EYS: variants seen among roughly 807,000 people sequenced by gnomAD.
EYS encodes EGF-like photoreceptor maintenance factor, also known as protein eyes shut homolog.
In EYS, 250 loss-of-function variants were observed where a neutral mutation model predicts 282.1. The observed-to-expected ratio is 0.89, with a 90% CI of 0.80 to 0.98. The LOEUF (loss-of-function observed/expected upper bound fraction) is 0.98. Ranked by LOEUF, EYS falls within the 50% of genes least tolerant of loss-of-function variation. EYS has a pLI of 0.00. For missense variants in EYS, 4,016 were observed against 3,709.0 expected (o/e 1.08, Z -2.15); for synonymous variants, 1,355 against 1,282.9 (o/e 1.06, Z -1.20).
Position 64,210,361 on chromosome 6 carries a change from G to A in EYS, c.6424+20231C>T, listed in dbSNP as rs745611204. ...TTGGCAGCCCTGGTTCTTTCTGAAG[G>A]CTCTCTCCTTGGCTTCCAGACAGCT... is the stretch of plus-strand genomic sequence containing the variant. On this transcript the variant is annotated intron_variant, in intron 31 of 42. Coordinates refer to ENST00000503581, the MANE Select transcript of EYS (RefSeq NM_001142800.2). Among the ~76,000 whole-genome samples, 140 of 152,146 alleles carry A rather than the reference G, an allele frequency of 9.2e-4. 1 individual carries two copies. Among genetic ancestry groups the A allele is most frequent in the Non-Finnish European group, 1.5e-4 (10 of 67,992 alleles).
chr6:63,997,042 A>G (rs1767867534), intron 34 of EYS, among the ~76,000 whole-genome samples: 1 of 152,186 alleles, frequency 6.6e-6, no homozygotes. Flanking sequence ...ATACTTAACA[A>G]TCCCTACTAA....
chr6:63,903,992 G>T (rs960196081), intron 35 of EYS, among the ~76,000 whole-genome samples: 1 of 152,168 alleles, frequency 6.6e-6, no homozygotes, highest in Non-Finnish European at 1.5e-5. Context: ...CCCTCCTCCT[G>T]CCAAAAGCTT....
At chr6:65,141,258 C>T (rs934060982) in intron 12 of EYS, among the ~76,000 whole-genome samples, 48 of 151,882 alleles carry the variant, frequency 3.2e-4, no homozygotes, top group Admixed American at 7.2e-4. Context: ...AACCAAACAC[C>T]GCATGTTCTC....
At chr6:65,220,375 T>C (rs950620824) in intron 12 of EYS, among the ~76,000 whole-genome samples, 1 of 151,166 alleles carries the variant, frequency 6.6e-6, no homozygotes, top group Non-Finnish European at 1.5e-5. Flanking sequence ...ACCCAGTGGG[T>C]GGTAATTGAA....
In EYS at chr6:64,085,338, G is replaced by GCA. The variant is rs749247868; in HGVS notation, c.6425-3337_6425-3336insTG. On this transcript the variant is annotated intron_variant, in intron 31 of 42. Transcript: ENST00000503581. ...GACGCGCGCGCGTGCGCACGTGCGC[G>GCA]CGCACACACACACACACACACACAC... 1.7e-3 allele frequency among the ~76,000 whole-genome samples: 147 copies of GCA among 85,606 alleles called. 1 individual carries two copies. The highest frequency in any genetic ancestry group is 5.3e-3 in the African/African-American group (116 of 21,792). The allele number at this position is 85,606 out of a possible 152,430, so 56.2% of individuals were successfully genotyped here.
At chr6:64,843,132 C>T (rs1765615634) in intron 19 of EYS, among the ~76,000 whole-genome samples, 1 of 152,140 alleles carries the variant, frequency 6.6e-6, no homozygotes, top group Non-Finnish European at 1.5e-5. Context: ...CCATCTGGTC[C>T]AGCAGATGTA....
chr6:64,174,341 C>A (rs1764563653), intron 31 of EYS, among the ~76,000 whole-genome samples: 1 of 151,986 alleles, frequency 6.6e-6, no homozygotes, highest in African/African-American at 2.4e-5. Context: ...ATATTTCTTT[C>A]CAATTGCTCA....
At chr6:65,244,300 C>T (rs774901644) in intron 12 of EYS, among the ~76,000 whole-genome samples, 10 of 152,114 alleles carry the variant, frequency 6.6e-5, no homozygotes, top group Non-Finnish European at 1.2e-4. Context: ...ATTGCTGATA[C>T]AATTTGTCCA....
chr6:64,178,915 G>T (rs1334343495), intron 31 of EYS, among the ~76,000 whole-genome samples: 1 of 151,682 alleles, frequency 6.6e-6, no homozygotes, highest in Non-Finnish European at 1.5e-5. Context: ...AGGCAAGAAT[G>T]TTGGCTTTTT....
chr6:65,369,588 T>C (rs1017688314), intron 8 of EYS, among the ~76,000 whole-genome samples: 2 of 151,120 alleles, frequency 1.3e-5, no homozygotes, highest in Admixed American at 1.4e-4. Flanking sequence ...GATCTTTCCT[T>C]TTTTCTTACT....
intron 19 of EYS, among the ~76,000 whole-genome samples, chr6:64,836,451 G>T (rs1459406274): frequency 1.3e-5 from 2 of 151,146 alleles, no homozygotes; most frequent in Non-Finnish European, 3.0e-5. Context: ...TATATTTTTG[G>T]GGGTTATCTC....
At chr6:65,533,898 C>T (rs1027146310) in intron 2 of EYS, among the ~76,000 whole-genome samples, 8 of 152,012 alleles carry the variant, frequency 5.3e-5, no homozygotes, top group African/African-American at 1.7e-4. Context: ...GATGATATTG[C>T]CTTTGTCCGA....
At chr6:64,091,952 C>T (rs1168720532) in intron 31 of EYS, among the ~76,000 whole-genome samples, 1 of 152,096 alleles carries the variant, frequency 6.6e-6, no homozygotes, top group Non-Finnish European at 1.5e-5. Context: ...TTCCTGTGTC[C>T]ATGTGTTCTC....
chr6:64,662,862 T>G (rs571717896), intron 22 of EYS, among the ~76,000 whole-genome samples: 1 of 150,906 alleles, frequency 6.6e-6, no homozygotes, highest in African/African-American at 2.4e-5. Flanking sequence ...ACTCAAGGAA[T>G]TCTGACTTGA....
chr6:64,370,803 T>C (rs918983611), intron 29 of EYS, among the ~76,000 whole-genome samples: 130 of 152,266 alleles, frequency 8.5e-4, no homozygotes, highest in African/African-American at 2.9e-3. Context: ...CTAGCTCGCA[T>C]GCATAGAAGT....
At chr6:64,554,361 A>G (rs1765177215) in intron 26 of EYS, among the ~76,000 whole-genome samples, 1 of 152,098 alleles carries the variant, frequency 6.6e-6, no homozygotes, top group African/African-American at 2.4e-5. Flanking sequence ...AAGAAAAAGG[A>G]TATGTGTCTC....
chr6:65,412,729 TA>T (rs1767069835), intron 5 of EYS, among the ~76,000 whole-genome samples: 1 of 152,168 alleles, frequency 6.6e-6, no homozygotes, highest in South Asian at 2.1e-4. Context: ...GTTATCTATA[TA>T]TGAGTCCTTT....
At chr6:65,666,502 A>T (rs1768207111) in intron 1 of EYS, among the ~76,000 whole-genome samples, 1 of 151,874 alleles carries the variant, frequency 6.6e-6, no homozygotes, top group Non-Finnish European at 1.5e-5. Context: ...TACTGTAGTA[A>T]TTAAATGTTA....
chr6:65,006,157 A>C (rs910530554), intron 13 of EYS, among the ~76,000 whole-genome samples: 1 of 151,988 alleles, frequency 6.6e-6, no homozygotes, highest in African/African-American at 2.4e-5. Context: ...GTTCCCCACC[A>C]CCTGTGCCAG....
Sources: gnomAD v4.1 joint callset for allele counts (sites outside exome capture counted in the v4.1 genomes callset) on GRCh38, gnomAD v4.1.1 for gene constraint, MANE v1.5 for transcripts, NCBI Gene and HGNC (gene_info 2026-07-23, HGNC 2026-07-21) for gene names.